TP63: variants seen among roughly 807,000 people sequenced by gnomAD.
TP63 encodes the protein tumor protein p63, also known as tumor protein 63.
In TP63, 17 loss-of-function variants were observed where a neutral mutation model predicts 82.8. The ratio of observed to expected loss-of-function variants is 0.21; its 90% CI spans 0.14 to 0.31. The LOEUF (loss-of-function observed/expected upper bound fraction) is 0.31, where lower values mean the gene tolerates loss of function less well. TP63 is among the 10% of genes least tolerant of loss of function. TP63 has a pLI of 1.00. For synonymous variants in TP63, 330 were observed against 321.7 expected (o/e 1.03, Z -0.28); for missense variants, 648 against 895.3 (o/e 0.72, Z 3.52).
the TP63 span, among the ~76,000 whole-genome samples, chr3:189,617,565 G>C: frequency 1.3e-5 from 2 of 152,062 alleles, no homozygotes; most frequent in East Asian, 3.9e-4. Context: ...AGTTTTTTAG[G>C]GGTCATATTG....
rs982556895 is a variant in TP63 at position 189,808,321 on chromosome 3, A to C, written c.374A>C (p.Gln125Pro). 3.0e-5 allele frequency: 48 copies of C among 1,614,086 alleles called. No individual in the cohort carries two copies. In the Admixed American group the frequency reaches 7.7e-4, roughly 26 times the overall value. ...GLLNSMDQQIQNGSSSTSPYN... is the reference protein window; with the variant it reads ...GLLNSMDQQIPNGSSSTSPYN... Reference sequence around the variant, plus strand: ...CTGAACAGCATGGACCAGCAGATTCAGAACGGCTCCTCGTCCACCAGTCCC... The same window carrying C: ...CTGAACAGCATGGACCAGCAGATTCCGAACGGCTCCTCGTCCACCAGTCCC... The change falls in exon 4 of 14, where the codon CAG (glutamine) becomes CCG (proline). Residue 125 changes from glutamine to proline, a missense_variant. By Grantham distance (76) the Gln-to-Pro change is moderately conservative. Around this residue, in one of 5 missense-constraint regions of TP63, gnomAD observed 182 missense variants for 213.6 expected, o/e 0.85. Transcript: ENST00000264731.
chr3:189,761,005 G>T (rs1722525659), intron 3 of TP63, among the ~76,000 whole-genome samples: 1 of 152,186 alleles, frequency 6.6e-6, no homozygotes, highest in African/African-American at 2.4e-5. Context: ...TGGCTGGGAT[G>T]CAGGGCACCA....
chr3:189,610,122 A>G, the TP63 span, among the ~76,000 whole-genome samples: 3 of 152,160 alleles, frequency 2.0e-5, no homozygotes, highest in African/African-American at 7.2e-5. Flanking sequence ...TTCTCTAATG[A>G]TCAGTGATAT....
chr3:189,889,256 A>C, intron 11 of TP63, 84 bp from the exon 12 acceptor site: 1 of 1,605,712 alleles, frequency 6.2e-7, no homozygotes, highest in Admixed American at 1.7e-5. Flanking sequence ...CCCTTGATAA[A>C]ATTTAACCAG....
intron 1 of TP63, among the ~76,000 whole-genome samples, chr3:189,703,606 G>A (rs919141781): frequency 2.0e-5 from 3 of 152,118 alleles, no homozygotes; most frequent in Non-Finnish European, 4.4e-5. Context: ...AGAGTCATTA[G>A]AACTTTAAAT....
chr3:189,853,611 C>A (rs1715923105), intron 4 of TP63, among the ~76,000 whole-genome samples: 1 of 152,180 alleles, frequency 6.6e-6, no homozygotes, highest in Non-Finnish European at 1.5e-5. Context: ...ATCCTCTTCA[C>A]ACTCACTCCC....
At chr3:189,706,506 G>A (rs1577275797) in intron 1 of TP63, among the ~76,000 whole-genome samples, 1 of 152,032 alleles carries the variant, frequency 6.6e-6, no homozygotes, top group South Asian at 2.1e-4. Context: ...CGCTGGCCTC[G>A]GCCTCCCAGA....
At chr3:189,773,823 G>A (rs1476826765) in intron 3 of TP63, among the ~76,000 whole-genome samples, 8 of 150,748 alleles carry the variant, frequency 5.3e-5, no homozygotes, top group African/African-American at 2.0e-4. Flanking sequence ...GCTGTCTCTG[G>A]CCTTTCACTC....
chr3:189,793,279 C>T (rs1266469757), intron 3 of TP63, among the ~76,000 whole-genome samples: 1 of 151,920 alleles, frequency 6.6e-6, no homozygotes, highest in Non-Finnish European at 1.5e-5. Flanking sequence ...TAAGGAAAAC[C>T]GTGTTTGGTT....
intron 1 of TP63, among the ~76,000 whole-genome samples, chr3:189,716,424 A>ACGT (rs1718964828): frequency 6.6e-6 from 1 of 151,896 alleles, no homozygotes; most frequent in Admixed American, 6.6e-5. Flanking sequence ...GCTGAATTTA[A>ACGT]TTTTAAAAAG....
chr3:189,693,200 A>T (rs62290003), intron 1 of TP63, among the ~76,000 whole-genome samples: 296 of 152,322 alleles, frequency 1.9e-3, no homozygotes, highest in Non-Finnish European at 3.7e-3. Context: ...ATCTTATACT[A>T]TTTAAGGAAA....
intron 1 of TP63, among the ~76,000 whole-genome samples, chr3:189,679,884 A>G (rs1468048309): frequency 6.6e-6 from 1 of 152,050 alleles, no homozygotes; most frequent in Non-Finnish European, 1.5e-5. Context: ...TCTGTTCCCT[A>G]TTGTATGTTC....
chr3:189,819,768 T>TTTTTTTTTTTTTTTTTC (rs1553847710), intron 4 of TP63, among the ~76,000 whole-genome samples: 2 of 120,490 alleles, frequency 1.7e-5, no homozygotes. Flanking sequence ...TTTTTTTTTT[T>TTTTTTTTTTTTTTTTTC]TGAGACAGTC....
chr3:189,631,647 G>A (rs941538742), intron 1 of TP63, 70 bp downstream of exon 1: 63 of 1,608,998 alleles, frequency 3.9e-5, no homozygotes, highest in Non-Finnish European at 5.1e-5. Context: ...GAATGTGTCA[G>A]CTGTGTACAA....
At chr3:189,659,184 T>G (rs1006565459) in intron 1 of TP63, among the ~76,000 whole-genome samples, 5 of 151,990 alleles carry the variant, frequency 3.3e-5, no homozygotes, top group Non-Finnish European at 5.9e-5. Context: ...ACCCAATAGT[T>G]CATTTTTCAA....
intron 4 of TP63, among the ~76,000 whole-genome samples, chr3:189,826,993 T>C (rs1394968248): frequency 6.6e-6 from 1 of 152,192 alleles, no homozygotes; most frequent in Non-Finnish European, 1.5e-5. Flanking sequence ...TGAGACTCAA[T>C]TTTCTCTTCT....
intron 4 of TP63, among the ~76,000 whole-genome samples, chr3:189,848,393 T>A (rs989526417): frequency 5.4e-5 from 8 of 148,846 alleles, no homozygotes; most frequent in East Asian, 2.0e-4. Flanking sequence ...TTTTTTTTTT[T>A]AATTTTGTAT....
At chr3:189,732,762 C>T (rs1242872686) in intron 1 of TP63, among the ~76,000 whole-genome samples, 1 of 152,188 alleles carries the variant, frequency 6.6e-6, no homozygotes, top group Non-Finnish European at 1.5e-5. Context: ...TTCTTCAACT[C>T]TATCCTCAAG....
intron 3 of TP63, among the ~76,000 whole-genome samples, chr3:189,750,610 T>A (rs1438130711): frequency 6.6e-6 from 1 of 152,152 alleles, no homozygotes; most frequent in African/African-American, 2.4e-5. Context: ...ATATTATGTA[T>A]CAATTAAAAA....
Sources: allele counts gnomAD v4.1 joint callset (sites outside exome capture counted in the v4.1 genomes callset), GRCh38; gene constraint gnomAD v4.1.1; regional missense constraint gnomAD v4.1.1; transcripts MANE v1.5; gene names NCBI Gene and HGNC (gene_info 2026-07-23, HGNC 2026-07-21).